ARFGEF1: variants seen among roughly 807,000 people sequenced by gnomAD.
ARFGEF1 encodes the protein ARF guanine nucleotide exchange factor 1.
Under a neutral mutation model 231.0 loss-of-function variants are expected in ARFGEF1, and 42 were observed. The ratio of observed to expected loss-of-function variants is 0.18; its 90% confidence interval spans 0.14 to 0.24. The LOEUF (loss-of-function observed/expected upper bound fraction) is 0.24, where lower values mean the gene tolerates loss of function less well. ARFGEF1 is among the 10% of genes least tolerant of loss of function. The probability of loss-of-function intolerance (pLI) is 1.00; values close to 1 mark genes in which losing one functional copy is unlikely to be tolerated. For missense variants in ARFGEF1, 1,345 were observed against 2,192.0 expected (o/e 0.61, Z 7.72); for synonymous variants, 710 against 732.3 (o/e 0.97, Z 0.49).
In ARFGEF1 at chr8:67,259,937, T is replaced by G; in HGVS notation, c.2124-11A>C. The G allele has an allele frequency of 6.5e-7, 1 of 1,542,344 alleles. No homozygotes were observed. The highest frequency in any genetic ancestry group is 8.9e-7 in the Non-Finnish European group (1 of 1,128,754). ...GGTTTCTTATTAAATCTAGATGATG[T>G]TAAATAAGAACATTAAAAATAGAAA... On this transcript the variant is annotated splice_polypyrimidine_tract_variant and intron_variant, in intron 14 of 38. Transcript: ENST00000262215.
At chr8:67,239,885 T>C (rs1053489726) in intron 20 of ARFGEF1, among the ~76,000 whole-genome samples, 1 of 152,114 alleles carries the variant, frequency 6.6e-6, no homozygotes, top group Non-Finnish European at 1.5e-5. Context: ...CAAATTAACA[T>C]AGGAATTCAA....
At chr8:67,337,957 C>T (rs1376937193) in intron 1 of ARFGEF1, among the ~76,000 whole-genome samples, 1 of 152,190 alleles carries the variant, frequency 6.6e-6, no homozygotes, top group Non-Finnish European at 1.5e-5. Context: ...ATACCTAGTT[C>T]GGAATGGCAA....
rs148213132 is a variant in ARFGEF1 at position 67,328,985 on chromosome 8, T to C, written c.124+14179A>G. On this transcript the variant is annotated intron_variant, in intron 1 of 38. Transcript: ENST00000262215. ...CTACACCTGTATAATCCCTGGACTTTGGAAGGTTGAGGCGGGCGGATCACG... is the reference window on the plus strand; with the variant it reads ...CTACACCTGTATAATCCCTGGACTTCGGAAGGTTGAGGCGGGCGGATCACG... 1.2e-3 allele frequency among the ~76,000 whole-genome samples: 177 copies of C among 152,238 alleles called. 1 individual carries two copies. Among genetic ancestry groups the C allele is most frequent in the African/African-American group, 4.2e-3 (173 of 41,534 alleles).
chr8:67,196,354 A>C (rs1465044717), downstream of ARFGEF1: 1 of 152,206 alleles, frequency 6.6e-6, no homozygotes, highest in Non-Finnish European at 1.5e-5. Context: ...GAGAGACTGG[A>C]GTCTTCTTCT....
intron 19 of ARFGEF1, among the ~76,000 whole-genome samples, chr8:67,250,690 C>T (rs1229064052): frequency 6.6e-6 from 1 of 152,188 alleles, no homozygotes; most frequent in Non-Finnish European, 1.5e-5. Flanking sequence ...CCCACTTCCT[C>T]TTTTCAAACT....
chr8:67,244,242 C>CAAA lies in ARFGEF1; in HGVS notation c.2851-3955_2851-3953dup, dbSNP rs34333039. Among the ~76,000 whole-genome samples the CAAA allele has an allele frequency of 1.1e-3, 23 of 20,096 alleles. 5 individuals are homozygous for CAAA. Among genetic ancestry groups the CAAA allele is most frequent in the Admixed American group, 3.4e-3 (3 of 884 alleles). The allele number at this position is 20,096 out of a possible 152,430, so 13.2% of individuals were successfully genotyped here. ...TGGGCGACAAAGCGAGACTCCACCT[C>CAAA]AAAAAAAAAAAAAAAAAAAAAAAAA... On this transcript the variant is annotated intron_variant, in intron 19 of 38. Coordinates refer to ENST00000262215, the MANE Select transcript of ARFGEF1 (RefSeq NM_006421.5).
intron 16 of ARFGEF1, 122 bp from the exon 17 acceptor site, chr8:67,257,938 T>C: frequency 5.0e-6 from 6 of 1,195,852 alleles, no homozygotes; most frequent in Non-Finnish European, 7.1e-6. Flanking sequence ...CAATTTTTTA[T>C]GGATTTGTTT....
At chr8:67,311,401 G>A (rs1807043990) in intron 1 of ARFGEF1, among the ~76,000 whole-genome samples, 4 of 128,470 alleles carry the variant, frequency 3.1e-5, no homozygotes, top group South Asian at 5.2e-4. Flanking sequence ...CAGCCGCCCC[G>A]TCCGGGAGGG....
chr8:67,199,798 G>C (rs1200348848), intron 38 of ARFGEF1: 1 of 166,060 alleles, frequency 6.0e-6, no homozygotes, highest in Non-Finnish European at 1.3e-5. Flanking sequence ...AAAGCAGCCT[G>C]TATGTGTGAG....
Position 67,343,249 on chromosome 8 carries a change from G to A in ARFGEF1, c.39C>T (p.Thr13=), listed in dbSNP as rs1268446908. 2 of 1,613,920 alleles carry A rather than the reference G, an allele frequency of 1.2e-6. No homozygotes were observed. Among genetic ancestry groups the A allele is most frequent in the Non-Finnish European group, 8.5e-7 (1 of 1,179,882 alleles). Residue 13 remains threonine (T), a synonymous_variant, in exon 1 of 39, where the codon ACC becomes ACT. Transcript: ENST00000262215. ...CGGCCAATATCTTCTCCAGAGCCCG[G>A]GTCAGGAACATGTTCTTCGTCTTCT... ...EGKKTKNMFL[T]RALEKILADK... is the part of the protein sequence containing the mutation.
In ARFGEF1 at chr8:67,277,347, T is replaced by C. The variant is rs1031013620; in HGVS notation, c.1138A>G (p.Ile380Val). The C allele has an allele frequency of 3.7e-6, 6 of 1,613,446 alleles. No homozygotes were observed. The highest frequency in any genetic ancestry group is 5.1e-6 in the Non-Finnish European group (6 of 1,179,744). Reference protein sequence around the residue: ...IQANGIPGTPISVAYTPSLPD... With the variant: ...IQANGIPGTPVSVAYTPSLPD... ...AAGGATGGTGTATATGCAACAGAAA[T>C]TGGTGTTCCTGGAATTCCATTTGCT... The change falls in exon 8 of 39, where the codon ATT becomes GTT. Residue 380 changes from isoleucine to valine, a missense_variant. Physicochemically the swap from Ile to Val is conservative, Grantham distance 29. Coordinates refer to ENST00000262215, the MANE Select transcript of ARFGEF1 (RefSeq NM_006421.5).
intron 7 of ARFGEF1, among the ~76,000 whole-genome samples, chr8:67,281,125 AT>A (rs890177591): frequency 1.1e-4 from 17 of 152,160 alleles, no homozygotes; most frequent in African/African-American, 3.9e-4. Context: ...TTACTAAAAA[AT>A]ATTTGCAAAA....
chr8:67,253,393 T>C lies in ARFGEF1; in HGVS notation c.2698+58A>G, dbSNP rs1840359485. ...ACACCTGACCATAAGTGAAAAACTC[T>C]TAGGAACCCATATTTTTCCCCTTGA... On this transcript the variant is annotated intron_variant, in intron 18 of 38. Coordinates refer to ENST00000262215, the MANE Select transcript of ARFGEF1 (RefSeq NM_006421.5). 3 of 1,292,894 alleles carry C rather than the reference T, an allele frequency of 2.3e-6. No individual in the cohort carries two copies. In the Admixed American group the frequency reaches 6.9e-5, roughly 30 times the overall value. The allele number at this position is 1,292,894 out of a possible 1,614,324, so 80.1% of individuals were successfully genotyped here.
chr8:67,276,140 A>G, intron 8 of ARFGEF1, 31 bp from the exon 9 acceptor site: 1 of 1,610,346 alleles, frequency 6.2e-7, no homozygotes, highest in Non-Finnish European at 8.5e-7. Context: ...TGAAAATTTT[A>G]GAGATATTTG....
intron 19 of ARFGEF1, among the ~76,000 whole-genome samples, chr8:67,249,315 G>C (rs1840201217): frequency 6.7e-6 from 1 of 150,330 alleles, no homozygotes; most frequent in Admixed American, 6.7e-5. Flanking sequence ...AGATGATTTT[G>C]CCCACCTGTA....
intron 5 of ARFGEF1, among the ~76,000 whole-genome samples, chr8:67,176,211 G>A (rs1017963641): frequency 9.9e-5 from 15 of 152,068 alleles, no homozygotes; most frequent in African/African-American, 3.6e-4. Flanking sequence ...TCAGGCCATC[G>A]AGGTTAACCA....
At chr8:67,315,636 G>A (rs1807276541) in intron 1 of ARFGEF1, among the ~76,000 whole-genome samples, 1 of 152,162 alleles carries the variant, frequency 6.6e-6, no homozygotes, top group South Asian at 2.1e-4. Flanking sequence ...AGCCCAGAGT[G>A]TGTTCTCTAC....
intron 26 of ARFGEF1, 63 bp downstream of exon 26, chr8:67,227,384 T>G: frequency 6.3e-7 from 1 of 1,598,406 alleles, no homozygotes; most frequent in South Asian, 1.1e-5. Context: ...TCTTCTGTTT[T>G]TCTCCCTGCT....
intron 23 of ARFGEF1, among the ~76,000 whole-genome samples, chr8:67,231,158 T>G (rs904971497): frequency 6.6e-6 from 1 of 152,056 alleles, no homozygotes; most frequent in Non-Finnish European, 1.5e-5. Context: ...AGTTGGGTAA[T>G]GGACCAAAGT....
Sources: gnomAD v4.1 joint callset for allele counts (sites outside exome capture counted in the v4.1 genomes callset) on GRCh38, gnomAD v4.1.1 for gene constraint, MANE v1.5 for transcripts, NCBI Gene and HGNC (gene_info 2026-07-23, HGNC 2026-07-21) for gene names.